NKAIN3: variants seen among roughly 807,000 people sequenced by gnomAD.
NKAIN3 encodes sodium/potassium transporting ATPase interacting 3, also known as sodium/potassium-transporting ATPase subunit beta-1-interacting protein 3.
NKAIN3 carries 25 observed loss-of-function variants against 30.2 expected under a neutral mutation model. That is an observed-to-expected ratio of 0.83 (90% CI 0.60 to 1.16). NKAIN3 has a LOEUF of 1.16. NKAIN3 is among the 50% of genes most tolerant of loss of function. The pLI is 0.00. For synonymous variants in NKAIN3, 91 were observed against 89.6 expected (o/e 1.02, Z -0.09); for missense variants, 225 against 254.1 (o/e 0.89, Z 0.78).
intron 1 of NKAIN3, among the ~76,000 whole-genome samples, chr8:62,490,676 G>A (rs1324013490): frequency 6.6e-6 from 1 of 152,100 alleles, no homozygotes; most frequent in Non-Finnish European, 1.5e-5. Context: ...GTCTCATAAA[G>A]TGTAAGATTG....
chr8:62,431,072 A>C (rs1038054954), intron 1 of NKAIN3, among the ~76,000 whole-genome samples: 1 of 151,896 alleles, frequency 6.6e-6, no homozygotes, highest in South Asian at 2.1e-4. Context: ...ATAGCATTTT[A>C]CAAATATGTT....
chr8:62,780,748 T>C (rs879522119), intron 4 of NKAIN3, among the ~76,000 whole-genome samples: 3 of 151,902 alleles, frequency 2.0e-5, no homozygotes, highest in African/African-American at 4.8e-5. Flanking sequence ...CTTTCATGAA[T>C]AAAAACTCTC....
At chr8:62,913,825 G>C (rs1244899569) in intron 4 of NKAIN3, among the ~76,000 whole-genome samples, 1 of 152,146 alleles carries the variant, frequency 6.6e-6, no homozygotes, top group Admixed American at 6.5e-5. Flanking sequence ...CCCAGAATTT[G>C]AAATTGTCAA....
chr8:62,511,795 G>T (rs1275259762), intron 1 of NKAIN3, among the ~76,000 whole-genome samples: 1 of 152,116 alleles, frequency 6.6e-6, no homozygotes, highest in East Asian at 1.9e-4. Flanking sequence ...CACACTAGCT[G>T]CTACTCCTCT....
rs562108826 is a variant in NKAIN3 at position 62,843,330 on chromosome 8, A to C, written c.472-75123A>C. 3.3e-5 allele frequency among the ~76,000 whole-genome samples: 5 copies of C among 151,104 alleles called. No individual in the cohort carries two copies. The South Asian group carries it at 1.0e-3, about 31-fold the overall frequency. On this transcript the variant is annotated intron_variant, in intron 4 of 6. Transcript: ENST00000623646. ...TAATTAATTAATTAATTAATTAATTAATTTTTTATTTATTTATTTTTTTTG... is the reference window on the plus strand; with the variant it reads ...TAATTAATTAATTAATTAATTAATTCATTTTTTATTTATTTATTTTTTTTG...
At chr8:62,289,590 CTA>C (rs1813514047) in intron 1 of NKAIN3, among the ~76,000 whole-genome samples, 1 of 152,092 alleles carries the variant, frequency 6.6e-6, no homozygotes. Flanking sequence ...CTATTCTATT[CTA>C]TTGGTCTATA....
intron 4 of NKAIN3, chr8:62,856,969 A>C (rs1317471903): frequency 1.8e-6 from 1 of 542,650 alleles, no homozygotes; most frequent in Non-Finnish European, 3.6e-6. Flanking sequence ...AACAAAAAAA[A>C]AACAAACTAT....
chr8:62,881,136 A>G (rs1451616329), intron 4 of NKAIN3, among the ~76,000 whole-genome samples: 2 of 152,190 alleles, frequency 1.3e-5, no homozygotes, highest in Non-Finnish European at 2.9e-5. Flanking sequence ...ATCATTTTAC[A>G]TTAGGGTTCA....
chr8:62,402,348 G>A (rs1032021994), intron 1 of NKAIN3, among the ~76,000 whole-genome samples: 11 of 152,176 alleles, frequency 7.2e-5, no homozygotes, highest in African/African-American at 2.7e-4. Flanking sequence ...GGCAAGTCAA[G>A]AAATGCTCTC....
chr8:62,555,009 TATACACACACAC>T (rs1420654834), intron 1 of NKAIN3, among the ~76,000 whole-genome samples: 9 of 104,624 alleles, frequency 8.6e-5, no homozygotes, highest in African/African-American at 2.6e-4. Context: ...TGGCAGAATC[TATACACACACAC>T]ACACACACAC....
chr8:62,677,327 T>C (rs1813508868), intron 3 of NKAIN3, among the ~76,000 whole-genome samples: 1 of 152,224 alleles, frequency 6.6e-6, no homozygotes, highest in Non-Finnish European at 1.5e-5. Flanking sequence ...TCAGCTGGCA[T>C]TAACCTTCAG....
At chr8:62,724,507 A>G (rs1815194738) in intron 3 of NKAIN3, among the ~76,000 whole-genome samples, 1 of 152,008 alleles carries the variant, frequency 6.6e-6, no homozygotes, top group South Asian at 2.1e-4. Context: ...TTTGGTAACC[A>G]TTTACCATCC....
At chr8:62,903,303 A>G (rs1821666296) in intron 4 of NKAIN3, among the ~76,000 whole-genome samples, 1 of 152,222 alleles carries the variant, frequency 6.6e-6, no homozygotes, top group Non-Finnish European at 1.5e-5. Context: ...CTTCCATAGA[A>G]GATGCAGCTC....
At chr8:62,873,285 T>A (rs547937366) in intron 4 of NKAIN3, among the ~76,000 whole-genome samples, 1 of 152,068 alleles carries the variant, frequency 6.6e-6, no homozygotes, top group South Asian at 2.1e-4. Context: ...CAAGAAGAGC[T>A]AACTATTCTA....
intron 1 of NKAIN3, among the ~76,000 whole-genome samples, chr8:62,266,084 T>G (rs1056009582): frequency 6.6e-6 from 1 of 152,302 alleles, no homozygotes; most frequent in South Asian, 2.1e-4. Context: ...CTGTCCTATG[T>G]TTGGGTCCTA....
chr8:62,477,573 C>T (rs990683735), intron 1 of NKAIN3, among the ~76,000 whole-genome samples: 2 of 152,092 alleles, frequency 1.3e-5, no homozygotes, highest in Admixed American at 1.3e-4. Context: ...TATGGAGCTT[C>T]CTTGGGTGAT....
intron 1 of NKAIN3, among the ~76,000 whole-genome samples, chr8:62,378,635 G>C (rs552687864): frequency 3.3e-5 from 5 of 152,306 alleles, no homozygotes; most frequent in Admixed American, 2.0e-4. Flanking sequence ...TTCAGGGAGT[G>C]CAAGCCCCAA....
At chr8:62,377,739 CA>C (rs1370222362) in intron 1 of NKAIN3, among the ~76,000 whole-genome samples, 2 of 152,148 alleles carry the variant, frequency 1.3e-5, no homozygotes, top group Non-Finnish European at 2.9e-5. Context: ...CCCCTGCTTG[CA>C]CTTATTCTCT....
intron 1 of NKAIN3, among the ~76,000 whole-genome samples, chr8:62,427,781 G>T (rs1224592036): frequency 6.6e-6 from 1 of 151,886 alleles, no homozygotes; most frequent in African/African-American, 2.4e-5. Flanking sequence ...CATGTGTAAT[G>T]ATCAAATCTG....
Sources: gnomAD v4.1 joint callset for allele counts (sites outside exome capture counted in the v4.1 genomes callset) on GRCh38, gnomAD v4.1.1 for gene constraint, MANE v1.5 for transcripts, NCBI Gene and HGNC (gene_info 2026-07-23, HGNC 2026-07-21) for gene names.